DBF4B: variants seen among roughly 807,000 people sequenced by gnomAD.
The protein encoded by DBF4B is DBF4B-CDC7 kinase regulatory subunit, also known as protein DBF4 homolog B.
A neutral mutation model predicts 53.4 loss-of-function variants in DBF4B; 49 were observed. The observed-to-expected ratio is 0.92, with a 90% confidence interval of 0.73 to 1.16. The LOEUF (loss-of-function observed/expected upper bound fraction) is 1.16. Among genes scored for constraint, DBF4B ranks in the 50% most tolerant of loss-of-function variants. The pLI, the probability that DBF4B is intolerant of heterozygous loss-of-function variation, is 0.00. For missense variants in DBF4B, 692 were observed against 775.0 expected (o/e 0.89, Z 1.27); for synonymous variants, 257 against 288.7 (o/e 0.89, Z 1.11).
intron 2 of DBF4B, among the ~76,000 whole-genome samples, chr17:44,722,416 A>G (rs1973932110): frequency 6.6e-6 from 1 of 152,160 alleles, no homozygotes; most frequent in African/African-American, 2.4e-5. Flanking sequence ...CTAGGCGGCA[A>G]CACTGCCATG....
intron 2 of DBF4B, among the ~76,000 whole-genome samples, chr17:44,715,446 C>G (rs1973239921): frequency 6.6e-6 from 1 of 152,142 alleles, no homozygotes; most frequent in Admixed American, 6.6e-5. Flanking sequence ...ATCCACCCAT[C>G]TCAGCCTCCC....
At position 44,749,290 on chromosome 17, in the gene DBF4B, G is replaced by A. The variant is rs888512904; in HGVS notation, c.1189+825G>A. On this transcript the variant is annotated intron_variant, in intron 13 of 13. Coordinates refer to ENST00000315005, the MANE Select transcript of DBF4B (RefSeq NM_145663.3). This position sits in a 1 kb window ranked among gnomAD's most constrained non-coding sequence, Gnocchi z 4.4. ...ACCCCAGCCCCAGCCCCAGCCCCAT[G>A]CTGGCAGAGAGCTGCTCCTACGAGT... 7.8e-7 allele frequency: 1 copy of A among 1,290,132 alleles called. No homozygotes were observed. The highest frequency in any genetic ancestry group is 1.5e-5 in the African/African-American group (1 of 65,840). 79.9% of individuals were successfully genotyped at this position (1,290,132 alleles called of 1,614,324 possible). A position where few individuals can be genotyped will look rare whatever the true frequency, so the allele number is the denominator to read the frequency against.
chr17:44,718,636 A>C (rs1375189498), intron 2 of DBF4B, among the ~76,000 whole-genome samples: 1 of 152,012 alleles, frequency 6.6e-6, no homozygotes, highest in Non-Finnish European at 1.5e-5. Flanking sequence ...GTATGTTATC[A>C]GGAGGCACAT....
At chr17:44,748,670 C>T (rs535540659) in intron 13 of DBF4B, 3 of 1,461,794 alleles carry the variant, frequency 2.1e-6, no homozygotes, top group East Asian at 5.9e-5. Context: ...GAACTCTCCT[C>T]TGGCCCAGAC....
chr17:44,741,366 A>G lies in DBF4B; in HGVS notation c.744A>G (p.Lys248=). Residue 248 remains lysine (K), a synonymous_variant, in exon 10 of 14, where the codon AAA becomes AAG. Transcript: ENST00000315005. ...TTCGTCCTTTCCATCATCAGTTTAA[A>G]TCCTTTCCTGAAATTTCTTTTCTTG... ...RKFRPFHHQF[K]SFPEISFLGP... The G allele has an allele frequency of 6.2e-7, 1 of 1,613,542 alleles. No homozygotes were observed. The highest frequency in any genetic ancestry group is 8.5e-7 in the Non-Finnish European group (1 of 1,179,596).
At chr17:44,734,927 A>G (rs1169741410) in intron 7 of DBF4B, among the ~76,000 whole-genome samples, 1 of 152,170 alleles carries the variant, frequency 6.6e-6, no homozygotes, top group Non-Finnish European at 1.5e-5. Flanking sequence ...AGTGTGGTGA[A>G]ACCCCGACTG....
Position 44,722,917 on chromosome 17 carries a change from A to C in DBF4B, c.120A>C (p.Ser40=), listed in dbSNP as rs768908761. Residue 40 remains serine, a synonymous_variant, in exon 3 of 14, where the codon TCA becomes TCC. Coordinates refer to ENST00000315005, the MANE Select transcript of DBF4B (RefSeq NM_145663.3). ...GTCTAGGAAAATGCCAGAAGAACTC[A>C]CCAGGTGCCAGGAAGCATCCCTTTT... The part of the protein sequence containing the change: ...SRCLGKCQKN[S]PGARKHPFSG... 1.2e-6 allele frequency: 2 copies of C among 1,614,158 alleles called. No individual in the cohort carries two copies. The highest frequency in any genetic ancestry group is 8.5e-7 in the Non-Finnish European group (1 of 1,180,016).
chr17:44,725,590 A>G (rs913516644), intron 3 of DBF4B, among the ~76,000 whole-genome samples: 8 of 150,756 alleles, frequency 5.3e-5, no homozygotes, highest in African/African-American at 2.0e-4. Context: ...CACTCCCTAT[A>G]TGCTTGGGCA....
intron 3 of DBF4B, among the ~76,000 whole-genome samples, chr17:44,726,437 T>C (rs1974352082): frequency 1.3e-5 from 2 of 151,680 alleles, no homozygotes; most frequent in South Asian, 4.2e-4. Flanking sequence ...TACTTTTTTT[T>C]TAATTTTAGA....
At chr17:44,731,439 A>G in intron 5 of DBF4B, 1 of 195,440 alleles carries the variant, frequency 5.1e-6, no homozygotes, top group Non-Finnish European at 1.1e-5. Flanking sequence ...GCGAAACCCC[A>G]TCTCTACCGA....
In DBF4B at chr17:44,751,219, T is replaced by A; in HGVS notation, c.1814T>A (p.Leu605His). 6.2e-7 allele frequency: 1 copy of A among 1,613,860 alleles called. No homozygotes were observed. The highest frequency in any genetic ancestry group is 1.1e-5 in the South Asian group (1 of 91,076). The change falls in exon 14 of 14, where the codon CTC becomes CAC. Residue 605 changes from leucine (L) to histidine (H), a missense_variant. This residue lies in a region of DBF4B where 597 missense variants were observed against 665.8 expected (regional missense o/e 0.90). Transcript: ENST00000315005. Reference protein sequence around the residue: ...PQGWNTPQPFLHCGFLAVDSG With the variant: ...PQGWNTPQPFHHCGFLAVDSG ...GGCTGGAACACTCCTCAGCCATTTC[T>A]CCATTGCGGCTTCCTGGCTGTAGAC...
At chr17:44,740,754 T>C (rs1394073566) in intron 9 of DBF4B, among the ~76,000 whole-genome samples, 1 of 152,232 alleles carries the variant, frequency 6.6e-6, no homozygotes, top group African/African-American at 2.4e-5. Context: ...ACAGAACCTC[T>C]TGGGCTTCAT....
At chr17:44,725,281 C>A (rs1361640734) in intron 3 of DBF4B, among the ~76,000 whole-genome samples, 1 of 152,158 alleles carries the variant, frequency 6.6e-6, no homozygotes, top group African/African-American at 2.4e-5. Flanking sequence ...CAGAGCAAGA[C>A]CATGTCTCAA....
intron 9 of DBF4B, among the ~76,000 whole-genome samples, chr17:44,740,776 T>C (rs1975923880): frequency 6.6e-6 from 1 of 152,112 alleles, no homozygotes. Context: ...TCCTTAGATA[T>C]AAAATAGGAT....
chr17:44,732,032 G>A, intron 5 of DBF4B, 146 bp from the exon 6 acceptor site: 2 of 681,198 alleles, frequency 2.9e-6, no homozygotes, highest in Non-Finnish European at 5.0e-6. Context: ...TGGACTCTCT[G>A]GGCACTGTAC....
intron 12 of DBF4B, 115 bp downstream of exon 12, chr17:44,747,630 T>G: frequency 7.3e-7 from 1 of 1,365,546 alleles, no homozygotes; most frequent in Non-Finnish European, 9.8e-7. Context: ...GTTTTCCTCT[T>G]TTCTCACCTT....
Position 44,731,136 on chromosome 17 carries a change from G to A in DBF4B, c.468+121G>A, listed in dbSNP as rs1974798919. 2.2e-5 allele frequency: 24 copies of A among 1,115,272 alleles called. 2 individuals carry two copies. The South Asian group carries it at 3.0e-4, about 14-fold the overall frequency. 69.1% of individuals were successfully genotyped at this position (1,115,272 alleles called of 1,614,324 possible). ...TGCACACTCTGCGATATGTAGTATT[G>A]TCATTATTTCCTTCTTCTACATCAG... On this transcript the variant is annotated intron_variant, in intron 5 of 13. Coordinates refer to ENST00000315005, the MANE Select transcript of DBF4B (RefSeq NM_145663.3).
At chr17:44,747,338 C>G in intron 11 of DBF4B, 53 bp from the exon 12 acceptor site, 1 of 1,608,208 alleles carries the variant, frequency 6.2e-7, no homozygotes, top group South Asian at 1.1e-5. Flanking sequence ...CTTCCGTGTC[C>G]CCCTCCCCCC....
intron 3 of DBF4B, among the ~76,000 whole-genome samples, chr17:44,723,618 G>T (rs1425434083): frequency 6.6e-6 from 1 of 151,788 alleles, no homozygotes; most frequent in African/African-American, 2.4e-5. Context: ...AATTAGCCAG[G>T]CATCATAGTG....
Sources: gnomAD v4.1 joint callset for allele counts (sites outside exome capture counted in the v4.1 genomes callset) on GRCh38, gnomAD v4.1.1 for gene constraint, gnomAD v4.1.1 regional missense constraint, Gnocchi (gnomAD v3.1) non-coding constraint, MANE v1.5 for transcripts, NCBI Gene and HGNC (gene_info 2026-07-23, HGNC 2026-07-21) for gene names.